Variants in ATP13A4 observed in about 807,000 individuals in gnomAD.
The protein encoded by ATP13A4 is ATPase 13A4.
Under a neutral mutation model 142.5 loss-of-function variants are expected in ATP13A4, and 114 were observed. The ratio of observed to expected loss-of-function variants is 0.80; its 90% CI spans 0.69 to 0.93. ATP13A4 has a LOEUF of 0.93. ATP13A4 is among the 40% of genes least tolerant of loss of function. The probability of loss-of-function intolerance (pLI) is 0.00; values close to 1 mark genes in which losing one functional copy is unlikely to be tolerated. For missense variants in ATP13A4, 1,392 were observed against 1,454.0 expected (o/e 0.96, Z 0.69); for synonymous variants, 488 against 514.8 (o/e 0.95, Z 0.70).
intron 1 of ATP13A4, among the ~76,000 whole-genome samples, chr3:193,541,042 G>A (rs562600559): frequency 1.3e-5 from 2 of 152,204 alleles, no homozygotes; most frequent in African/African-American, 4.8e-5. Flanking sequence ...GAGGTCAGGA[G>A]ATCGAGAGCA....
chr3:193,518,186 G>A (rs1290564671), intron 1 of ATP13A4, among the ~76,000 whole-genome samples: 1 of 152,168 alleles, frequency 6.6e-6, no homozygotes, highest in Non-Finnish European at 1.5e-5. Flanking sequence ...AAAAAACCAT[G>A]TGTAATATAA....
chr3:193,554,653 CGTGTGTGTGTGTGT>C (rs58073069), intron 1 of ATP13A4, 73 bp downstream of exon 1: 7,338 of 1,220,444 alleles, frequency 6.0e-3, no homozygotes, highest in Middle Eastern at 9.0e-3. Flanking sequence ...GTGATGCGTG[CGTGTGTGTGTGTGT>C]GTGTGTGTGT....
intron 1 of ATP13A4, among the ~76,000 whole-genome samples, chr3:193,532,491 C>T (rs114212488): frequency 7.4e-4 from 111 of 150,778 alleles, no homozygotes; most frequent in Non-Finnish European, 1.3e-3. Flanking sequence ...AAGCTAAAAA[C>T]AAGATTGCCA....
rs552077485 is a variant in ATP13A4, at chr3:193,554,152, C to T, written c.60+588G>A. ...TAAAATCAAAGAGATACTGAACTACCGAAAGTTTTCTGTAACCAATCTCTA... is the reference window on the plus strand; with the variant it reads ...TAAAATCAAAGAGATACTGAACTACTGAAAGTTTTCTGTAACCAATCTCTA... On this transcript the variant is annotated intron_variant, in intron 1 of 29. Transcript: ENST00000342695. 5.8e-5 allele frequency: 9 copies of T among 156,106 alleles called. No homozygotes were observed. In the South Asian group the frequency reaches 9.6e-4, roughly 17 times the overall value. The allele number at this position is 156,106 out of a possible 1,614,324, so 9.7% of individuals were successfully genotyped here. A position where few individuals can be genotyped will look rare whatever the true frequency, so the allele number is the denominator to read the frequency against.
chr3:193,582,708 ATATATGTATATTACATATATAAAAT>A lies in ATP13A4; in HGVS notation n.92-827_92-803del, dbSNP rs1724585937. 4.2e-5 allele frequency among the ~76,000 whole-genome samples: 2 copies of A among 47,966 alleles called. 1 individual carries two copies. The highest frequency in any genetic ancestry group is 1.1e-3 in the East Asian group (2 of 1,784). The allele number at this position is 47,966 out of a possible 152,430, so 31.5% of individuals were successfully genotyped here. ...TATATATGTGTATAACATATATAAT[ATATATGTATATTACATATATAAAAT>A]ATATATGTATAATACATATATAAAA... On this transcript the variant is annotated intron_variant and non_coding_transcript_variant, in intron 1 of 3. Coordinates refer to the ATP13A4 transcript ENST00000489140.
intron 1 of ATP13A4, chr3:193,553,704 C>A (rs1577077535): frequency 6.6e-6 from 1 of 152,200 alleles, no homozygotes; most frequent in African/African-American, 2.4e-5. Flanking sequence ...ATAATTTTTT[C>A]AGCTTTGATA....
intron 8 of ATP13A4, among the ~76,000 whole-genome samples, chr3:193,480,276 A>T (rs1029423649): frequency 4.6e-5 from 7 of 151,864 alleles, no homozygotes; most frequent in Non-Finnish European, 1.0e-4. Context: ...CATGGTACTT[A>T]ATTACTTAAT....
chr3:193,512,394 A>C (rs1721188158), intron 2 of ATP13A4, among the ~76,000 whole-genome samples: 1 of 152,130 alleles, frequency 6.6e-6, no homozygotes, highest in Non-Finnish European at 1.5e-5. Context: ...CACTCATAGC[A>C]CTTTACTAAA....
At chr3:193,436,556 G>A (rs1404859845) in intron 23 of ATP13A4, among the ~76,000 whole-genome samples, 1 of 151,548 alleles carries the variant, frequency 6.6e-6, no homozygotes, top group Non-Finnish European at 1.5e-5. Context: ...CAAGTGATTC[G>A]CCCGCCTCAG....
intron 1 of ATP13A4, among the ~76,000 whole-genome samples, chr3:193,548,140 G>A (rs1723329260): frequency 6.6e-6 from 1 of 152,112 alleles, no homozygotes; most frequent in South Asian, 2.1e-4. Context: ...ATAAAATCCT[G>A]AGACTATTGA....
intron 12 of ATP13A4, among the ~76,000 whole-genome samples, chr3:193,463,448 A>AAAAAAT (rs1718078752): frequency 2.2e-5 from 3 of 139,486 alleles, no homozygotes; most frequent in Non-Finnish European, 3.1e-5. Flanking sequence ...AAAAAAAAAA[A>AAAAAAT]GGTGGTGGTA....
intron 1 of ATP13A4, among the ~76,000 whole-genome samples, chr3:193,541,224 G>C (rs923820819): frequency 8.0e-6 from 1 of 125,474 alleles, no homozygotes; most frequent in Non-Finnish European, 1.8e-5. Context: ...ACTCCAGCCT[G>C]GGCGACAGAG....
chr3:193,556,311 A>G (rs1484812349), upstream of ATP13A4, among the ~76,000 whole-genome samples: 1 of 152,174 alleles, frequency 6.6e-6, no homozygotes, highest in Non-Finnish European at 1.5e-5. Context: ...ATTGGCAATG[A>G]TATCTCCAAC....
chr3:193,541,740 AGGAGAG>A (rs1722942892), intron 1 of ATP13A4, among the ~76,000 whole-genome samples: 3 of 152,212 alleles, frequency 2.0e-5, no homozygotes, highest in Non-Finnish European at 4.4e-5. Flanking sequence ...CCCCAACTCT[AGGAGAG>A]GGCATGTGAC....
At chr3:193,485,492 C>T (rs1263957361) in intron 7 of ATP13A4, among the ~76,000 whole-genome samples, 1 of 152,176 alleles carries the variant, frequency 6.6e-6, no homozygotes, top group Non-Finnish European at 1.5e-5. Flanking sequence ...ACAGTGGAGA[C>T]GTCCAGAGGC....
intron 25 of ATP13A4, among the ~76,000 whole-genome samples, chr3:193,417,875 C>A (rs1286536124): frequency 6.7e-6 from 1 of 148,324 alleles, no homozygotes; most frequent in African/African-American, 2.5e-5. Context: ...GTAATCCCAG[C>A]ACTTTGGGAG....
At chr3:193,467,277 G>A (rs771283370) in intron 10 of ATP13A4, 39 bp downstream of exon 10, 1 of 1,609,726 alleles carries the variant, frequency 6.2e-7, no homozygotes, top group Non-Finnish European at 8.5e-7. Context: ...CTGGGCAAAA[G>A]TATACCATTA....
chr3:193,455,109 T>C (rs1261995509), intron 16 of ATP13A4, among the ~76,000 whole-genome samples: 4 of 151,036 alleles, frequency 2.6e-5, no homozygotes, highest in South Asian at 2.1e-4. Flanking sequence ...GAGGCCGAGG[T>C]GGGCGGATTA....
intron 29 of ATP13A4, among the ~76,000 whole-genome samples, chr3:193,406,767 G>A (rs1714520217): frequency 1.3e-5 from 2 of 152,194 alleles, no homozygotes; most frequent in Admixed American, 1.3e-4. Flanking sequence ...CATATTGTAT[G>A]GTTTCACTTA....
Sources: gnomAD v4.1 joint callset for allele counts (sites outside exome capture counted in the v4.1 genomes callset) on GRCh38, gnomAD v4.1.1 for gene constraint, MANE v1.5 for transcripts, NCBI Gene and HGNC (gene_info 2026-07-23, HGNC 2026-07-21) for gene names.